The following PCDH15 variants were observed in gnomAD, a reference collection of about 807,000 sequenced individuals.
The protein encoded by PCDH15 is protocadherin related 15, also known as protocadherin-15.
In PCDH15, 129 loss-of-function variants were observed where a neutral mutation model predicts 178.5. The ratio of observed to expected loss-of-function variants is 0.72; its 90% CI spans 0.63 to 0.84. The LOEUF is 0.84. Ranked by LOEUF, PCDH15 falls within the 40% of genes least tolerant of loss-of-function variation. The pLI, the probability that PCDH15 is intolerant of heterozygous loss-of-function variation, is 0.00. For synonymous variants in PCDH15, 800 were observed against 732.0 expected, an observed-to-expected ratio of 1.09 and a Z score of -1.50; for missense variants, 2,230 against 2,099.9, an observed-to-expected ratio of 1.06 and a Z score of -1.21.
intron 32 of PCDH15, chr10:53,822,685 C>G: frequency 6.2e-7 from 1 of 1,614,066 alleles, no homozygotes; most frequent in East Asian, 2.2e-5. Context: ...TTGAGTTCCA[C>G]AGTTCTTGAA....
chr10:54,695,118 T>C (rs1372447129), intron 1 of PCDH15, among the ~76,000 whole-genome samples: 1 of 152,116 alleles, frequency 6.6e-6, no homozygotes, highest in African/African-American at 2.4e-5. Flanking sequence ...TAATGTTAAA[T>C]GATGAGTTAA....
At chr10:55,428,011 T>C (rs1838797236) in intron 2 of PCDH15, among the ~76,000 whole-genome samples, 1 of 152,066 alleles carries the variant, frequency 6.6e-6, no homozygotes, top group South Asian at 2.1e-4. Context: ...AGAGACTACA[T>C]ACTTCATATG....
chr10:55,110,901 T>C (rs1405884883), intron 2 of PCDH15, among the ~76,000 whole-genome samples: 1 of 152,178 alleles, frequency 6.6e-6, no homozygotes, highest in African/African-American at 2.4e-5. Flanking sequence ...TGACTTATTT[T>C]ATATTTATTT....
chr10:54,932,017 G>A (rs1020684270), intron 2 of PCDH15, among the ~76,000 whole-genome samples: 5 of 152,124 alleles, frequency 3.3e-5, no homozygotes, highest in Admixed American at 2.6e-4. Flanking sequence ...TTTGGTGAAC[G>A]ATGAACCATA....
intron 2 of PCDH15, among the ~76,000 whole-genome samples, chr10:54,937,508 T>C (rs1305014940): frequency 6.6e-6 from 1 of 151,998 alleles, no homozygotes; most frequent in African/African-American, 2.4e-5. Flanking sequence ...TGTTCTCTAG[T>C]TCGCCGTGTC....
At chr10:54,894,750 GAAGA>G (rs146237758) in intron 3 of PCDH15, among the ~76,000 whole-genome samples, 6,470 of 152,196 alleles carry the variant, frequency 0.043, 452 homozygotes, top group African/African-American at 0.15. Context: ...TACAAAAATA[GAAGA>G]GAGAGAATTA....
At chr10:55,088,886 C>G (rs1017308784) in intron 2 of PCDH15, among the ~76,000 whole-genome samples, 4 of 152,034 alleles carry the variant, frequency 2.6e-5, no homozygotes, top group African/African-American at 9.7e-5. Flanking sequence ...AAATTCATAT[C>G]AGTTTGAATT....
At chr10:54,307,104 G>GTATATATATATA (rs1170885233) in intron 8 of PCDH15, among the ~76,000 whole-genome samples, 2 of 26,580 alleles carry the variant, frequency 7.5e-5, no homozygotes, top group African/African-American at 1.7e-4. Flanking sequence ...GTGTGTGTGT[G>GTATATATATATA]TATATATATA....
chr10:55,627,581 T>C (rs1444891615), intron 2 of PCDH15: 1 of 151,938 alleles, frequency 6.6e-6, no homozygotes, highest in Admixed American at 6.6e-5. Flanking sequence ...CAGAAACCCT[T>C]TTGGAATCTG....
chr10:55,371,338 G>A lies in PCDH15; in HGVS notation c.-155-204687C>T, dbSNP rs373593192. Among the ~76,000 whole-genome samples the A allele has an allele frequency of 1.1e-4, 16 of 152,104 alleles. No homozygotes were observed. The South Asian group carries it at 2.5e-3, about 24-fold the overall frequency. On this transcript the variant is annotated intron_variant, in intron 2 of 5. Coordinates refer to the PCDH15 transcript ENST00000613346. Reference sequence around the variant, plus strand: ...CCCCAAACTTCAGAATCAGAAATTCGTGGAGGGGCCTTATAATCACTTTTA... The same window carrying A: ...CCCCAAACTTCAGAATCAGAAATTCATGGAGGGGCCTTATAATCACTTTTA...
At chr10:55,358,267 G>T (rs1302472978) in intron 2 of PCDH15, among the ~76,000 whole-genome samples, 1 of 152,094 alleles carries the variant, frequency 6.6e-6, no homozygotes, top group Non-Finnish European at 1.5e-5. Context: ...TGCATTATTT[G>T]ATTCAGGCAT....
upstream of PCDH15, among the ~76,000 whole-genome samples, chr10:54,805,615 T>C (rs937590134): frequency 6.6e-6 from 1 of 152,192 alleles, no homozygotes; most frequent in African/African-American, 2.4e-5. Context: ...TTTCACTTTT[T>C]TTAACCCTAG....
intron 3 of PCDH15, among the ~76,000 whole-genome samples, chr10:54,415,662 A>G (rs1589283158): frequency 1.3e-5 from 2 of 152,154 alleles, no homozygotes; most frequent in East Asian, 3.9e-4. Context: ...AAAATGTATT[A>G]TTACAATCTA....
At chr10:53,863,174 C>G (rs2079210769) in intron 27 of PCDH15, among the ~76,000 whole-genome samples, 1 of 152,118 alleles carries the variant, frequency 6.6e-6, no homozygotes, top group Admixed American at 6.6e-5. Context: ...AGTATGAGCG[C>G]TTTTACTATG....
At chr10:55,213,880 C>T (rs1840632975) in intron 1 of PCDH15, among the ~76,000 whole-genome samples, 1 of 151,444 alleles carries the variant, frequency 6.6e-6, no homozygotes, top group East Asian at 1.9e-4. Context: ...CTATTTAATT[C>T]TTAATTTTCA....
rs868166510 is a variant in PCDH15, at chr10:55,427,974, A to G, written c.-156+199651T>C. On this transcript the variant is annotated intron_variant, in intron 2 of 5. Transcript: ENST00000613346. ...ATTTGGGCCAGCATCCATAATTTCT[A>G]TGGGAAAAATATCTAATTTTGAACA... is the stretch of plus-strand genomic sequence containing the variant. Among the ~76,000 whole-genome samples the G allele has an allele frequency of 4.7e-5, 7 of 149,868 alleles. No homozygotes were observed. In the South Asian group the frequency reaches 1.5e-3, roughly 31 times the overall value.
intron 3 of PCDH15, among the ~76,000 whole-genome samples, chr10:54,433,660 A>T (rs1487902299): frequency 2.0e-5 from 3 of 152,146 alleles, no homozygotes; most frequent in African/African-American, 7.2e-5. Flanking sequence ...AGTCAACAAT[A>T]ATTTAATTGT....
At chr10:54,492,292 A>G (rs1221177739) in intron 3 of PCDH15, among the ~76,000 whole-genome samples, 1 of 152,198 alleles carries the variant, frequency 6.6e-6, no homozygotes, top group Admixed American at 6.6e-5. Flanking sequence ...GTGCTGAGAC[A>G]TTCAAGAGTC....
At chr10:54,853,376 TAC>T (rs1413349084) in intron 3 of PCDH15, among the ~76,000 whole-genome samples, 1 of 122,142 alleles carries the variant, frequency 8.2e-6, no homozygotes, top group Non-Finnish European at 1.6e-5. Context: ...CATATATATA[TAC>T]ACATACATAC....
Sources: gnomAD v4.1 joint callset for allele counts (sites outside exome capture counted in the v4.1 genomes callset) on GRCh38, gnomAD v4.1.1 for gene constraint, MANE v1.5 for transcripts, NCBI Gene and HGNC (gene_info 2026-07-23, HGNC 2026-07-21) for gene names.